The following KCNH8 variants were observed in gnomAD, a reference collection of about 807,000 sequenced individuals.
KCNH8 encodes potassium voltage-gated channel subfamily H member 8, also known as voltage-gated delayed rectifier potassium channel KCNH8.
Under a neutral mutation model 103.6 loss-of-function variants are expected in KCNH8, and 70 were observed. The ratio of observed to expected loss-of-function variants is 0.68; its 90% confidence interval spans 0.56 to 0.82. The LOEUF is 0.82. Among genes scored for constraint, KCNH8 ranks in the 40% least tolerant of loss-of-function variants. The pLI, the probability that KCNH8 is intolerant of heterozygous loss-of-function variation, is 0.00. For missense variants in KCNH8, 1,217 were observed against 1,329.9 expected (o/e 0.92, Z 1.32); for synonymous variants, 498 against 489.4 (o/e 1.02, Z -0.23).
At chr3:19,348,215 G>A (rs532256019) in intron 5 of KCNH8, among the ~76,000 whole-genome samples, 2 of 152,112 alleles carry the variant, frequency 1.3e-5, no homozygotes, top group Admixed American at 6.6e-5. Context: ...TCCAGAATGG[G>A]CTAAAAAAGA....
intron 6 of KCNH8, among the ~76,000 whole-genome samples, chr3:19,393,519 C>T (rs1480946963): frequency 6.6e-6 from 1 of 152,020 alleles, no homozygotes; most frequent in Non-Finnish European, 1.5e-5. Context: ...CAGATGCCCT[C>T]CTCCATTTGG....
intron 1 of KCNH8, among the ~76,000 whole-genome samples, chr3:19,201,962 A>G (rs976227710): frequency 6.6e-6 from 1 of 152,222 alleles, no homozygotes; most frequent in Non-Finnish European, 1.5e-5. Flanking sequence ...TTCTAAAAAC[A>G]GAATAACACT....
At chr3:19,342,402 TATG>T (rs1380330852) in intron 3 of KCNH8, among the ~76,000 whole-genome samples, 182 bp from the exon 4 acceptor site, 27 of 152,266 alleles carry the variant, frequency 1.8e-4, no homozygotes, top group African/African-American at 4.3e-4. Flanking sequence ...ATGCAGTCAA[TATG>T]ATGATAAAAA....
chr3:19,533,551 A>G lies in KCNH8; in HGVS notation c.2776A>G (p.Thr926Ala). Residue 926 changes from threonine (T) to alanine (A), a missense_variant, in exon 16 of 16, where the codon ACG (threonine) becomes GCG (alanine). By Grantham distance (58) the Thr-to-Ala change is moderately conservative. Coordinates refer to ENST00000328405, the MANE Select transcript of KCNH8 (RefSeq NM_144633.3). ...CPSRESLQTRTSWSAHQPCLH... is the reference protein window; with the variant it reads ...CPSRESLQTRASWSAHQPCLH... ...CTCCAGGGAGAGCTTACAGACCAGAACGAGCTGGAGTGCACACCAGCCTTG... is the reference window on the plus strand; with the variant it reads ...CTCCAGGGAGAGCTTACAGACCAGAGCGAGCTGGAGTGCACACCAGCCTTG... 6.2e-7 allele frequency: 1 copy of G among 1,614,168 alleles called. No homozygotes were observed. The highest frequency in any genetic ancestry group is 8.5e-7 in the Non-Finnish European group (1 of 1,180,022).
intron 3 of KCNH8, among the ~76,000 whole-genome samples, chr3:19,286,423 C>T (rs980966230): frequency 1.3e-5 from 2 of 152,178 alleles, no homozygotes; most frequent in African/African-American, 4.8e-5. Context: ...GGGAACAGAA[C>T]AGCCATATGC....
chr3:19,298,606 A>G (rs1012021068), intron 3 of KCNH8, among the ~76,000 whole-genome samples: 2 of 152,220 alleles, frequency 1.3e-5, no homozygotes, highest in African/African-American at 4.8e-5. Context: ...AAAATTTTAC[A>G]GTATGGCTGT....
chr3:19,246,380 G>A lies in KCNH8; in HGVS notation c.77-7274G>A, dbSNP rs185531841. On this transcript the variant is annotated intron_variant, in intron 1 of 15. Transcript: ENST00000328405. ...CACCCTCTGCCTCCCAGGTTCAAGC[G>A]ATTCTCCTGCCTCAGCCTCCCGAGT... is the stretch of plus-strand genomic sequence containing the variant. 1.6e-3 allele frequency among the ~76,000 whole-genome samples: 237 copies of A among 148,140 alleles called. 1 individual carries two copies. The highest frequency in any genetic ancestry group is 2.4e-3 in the Non-Finnish European group (163 of 67,344).
intron 1 of KCNH8, among the ~76,000 whole-genome samples, chr3:19,160,583 C>T (rs1319264758): frequency 6.6e-6 from 1 of 152,012 alleles, no homozygotes; most frequent in Admixed American, 6.6e-5. Context: ...ATATACAGTA[C>T]CCGGCCCCTT....
intron 5 of KCNH8, among the ~76,000 whole-genome samples, chr3:19,360,930 T>C (rs761660155): frequency 3.3e-5 from 5 of 152,032 alleles, no homozygotes; most frequent in Non-Finnish European, 5.9e-5. Flanking sequence ...AGAACTAGTA[T>C]TATGATGAGT....
In KCNH8 at chr3:19,516,005, G is replaced by A. The variant is rs75343717; in HGVS notation, c.2542+577G>A. Among the ~76,000 whole-genome samples the A allele has an allele frequency of 4.5e-3, 685 of 152,074 alleles. 4 individuals are homozygous for A. Among genetic ancestry groups the A allele is most frequent in the South Asian group, 0.02 (95 of 4,824 alleles). The stretch of plus-strand genomic sequence containing the variant: ...CTTTTCAATCTTGAGTTTGTTGCTC[G>A]TAAGAATGATTCTGTCAACAAGACA... On this transcript the variant is annotated intron_variant, in intron 14 of 15. Transcript: ENST00000328405.
chr3:19,183,785 C>A (rs2063478081), intron 1 of KCNH8, among the ~76,000 whole-genome samples: 1 of 151,878 alleles, frequency 6.6e-6, no homozygotes, highest in African/African-American at 2.4e-5. Flanking sequence ...AGAAATGGAC[C>A]AACGCAATTC....
At chr3:19,259,433 TTTTA>T (rs1226110153) in intron 2 of KCNH8, among the ~76,000 whole-genome samples, 6 of 151,888 alleles carry the variant, frequency 4.0e-5, no homozygotes, top group Non-Finnish European at 8.8e-5. Flanking sequence ...ATATATGTTA[TTTTA>T]TTTAATTTTC....
At chr3:19,487,072 G>T (rs1476131799) in intron 11 of KCNH8, among the ~76,000 whole-genome samples, 1 of 152,184 alleles carries the variant, frequency 6.6e-6, no homozygotes, top group Non-Finnish European at 1.5e-5. Flanking sequence ...TGCAGCCTAG[G>T]TCTTTAGCAG....
At chr3:19,466,425 T>C (rs2125197136) in intron 11 of KCNH8, among the ~76,000 whole-genome samples, 1 of 152,298 alleles carries the variant, frequency 6.6e-6, no homozygotes, top group East Asian at 1.9e-4. Flanking sequence ...GCTATCAAAC[T>C]GTACCGTATG....
Position 19,216,872 on chromosome 3 carries a change from C to T in KCNH8, c.77-36782C>T, listed in dbSNP as rs1004076191. On this transcript the variant is annotated intron_variant, in intron 1 of 15. Coordinates refer to ENST00000328405, the MANE Select transcript of KCNH8 (RefSeq NM_144633.3). ...TGGCAACAGGCCAGATCCAGGACGC[C>T]GATGCTTGCCAGGAAGGGTGAGGAA... Among the ~76,000 whole-genome samples the T allele has an allele frequency of 3.4e-4, 51 of 152,146 alleles. 1 individual carries two copies. Among genetic ancestry groups the T allele is most frequent in the Non-Finnish European group, 1.5e-4 (10 of 68,034 alleles).
chr3:19,378,874 T>C (rs115742940), intron 5 of KCNH8, among the ~76,000 whole-genome samples: 194 of 152,342 alleles, frequency 1.3e-3, no homozygotes, highest in African/African-American at 4.0e-3. Flanking sequence ...ATATATGCTA[T>C]TTCTTCACAG....
chr3:19,258,006 T>C (rs1222297029), intron 2 of KCNH8, among the ~76,000 whole-genome samples: 2 of 152,042 alleles, frequency 1.3e-5, no homozygotes, highest in African/African-American at 4.8e-5. Context: ...GGTCTCCCTA[T>C]GTGATGGTCT....
At chr3:19,408,825 G>T (rs1336573705) in intron 7 of KCNH8, among the ~76,000 whole-genome samples, 1 of 151,936 alleles carries the variant, frequency 6.6e-6, no homozygotes, top group African/African-American at 2.4e-5. Context: ...AAGAAAAAAA[G>T]AATTTTAAAA....
rs537266615 is a variant in KCNH8, at chr3:19,466,844, A to G, written c.2040+9862A>G. On this transcript the variant is annotated intron_variant, in intron 11 of 15. Coordinates refer to ENST00000328405, the MANE Select transcript of KCNH8 (RefSeq NM_144633.3). The stretch of plus-strand genomic sequence containing the variant: ...GCCTGGCTAATTTTGTATTTTTAGT[A>G]GAGATGGGGTTTCTCCATGTTGGTC... 1.3e-4 allele frequency among the ~76,000 whole-genome samples: 19 copies of G among 151,704 alleles called. No individual in the cohort carries two copies. The South Asian group carries it at 3.6e-3, about 28-fold the overall frequency.
Sources: gnomAD v4.1 joint callset for allele counts (sites outside exome capture counted in the v4.1 genomes callset) on GRCh38, gnomAD v4.1.1 for gene constraint, MANE v1.5 for transcripts, NCBI Gene and HGNC (gene_info 2026-07-23, HGNC 2026-07-21) for gene names.